Variants in IL1RAPL1 observed in about 807,000 individuals in gnomAD.
IL1RAPL1 encodes interleukin-1 receptor accessory protein-like 1.
In IL1RAPL1, 3 loss-of-function variants were observed where a neutral mutation model predicts 48.4. The ratio of observed to expected loss-of-function variants is 0.06; its 90% CI spans 0.03 to 0.16. The LOEUF is 0.16. Ranked by LOEUF, IL1RAPL1 falls within the 10% of genes least tolerant of loss-of-function variation. The pLI is 1.00. For synonymous variants in IL1RAPL1, 185 were observed against 187.7 expected (o/e 0.99, Z 0.12); for missense variants, 349 against 530.6 (o/e 0.66, Z 3.36).
chrX:28,712,208 C>T (rs1489431554), intron 1 of IL1RAPL1, among the ~76,000 whole-genome samples: 1 of 111,074 alleles, frequency 9.0e-6, no homozygotes, highest in Non-Finnish European at 1.9e-5. Context: ...CTTATACTTA[C>T]CTAGGCTTTT....
chrX:29,824,977 A>AG (rs949201519), intron 6 of IL1RAPL1, among the ~76,000 whole-genome samples: 26 of 109,662 alleles, frequency 2.4e-4, no homozygotes, highest in African/African-American at 8.7e-4. Context: ...AAACACTTGT[A>AG]GGGGAAAAAA....
chrX:29,736,965 G>T (rs2147133218), intron 6 of IL1RAPL1, among the ~76,000 whole-genome samples: 1 of 111,584 alleles, frequency 9.0e-6, no homozygotes, highest in East Asian at 2.8e-4. Context: ...TGAAGCAAAA[G>T]GAAGAAACAG....
intron 5 of IL1RAPL1, among the ~76,000 whole-genome samples, chrX:29,469,441 G>A (rs1174260913): frequency 1.8e-5 from 2 of 111,474 alleles, no homozygotes; most frequent in East Asian, 2.8e-4. Context: ...AATACATTTT[G>A]TACAATATTT....
chrX:28,731,574 A>G (rs1935755604), intron 1 of IL1RAPL1, among the ~76,000 whole-genome samples: 1 of 112,022 alleles, frequency 8.9e-6, no homozygotes, highest in Non-Finnish European at 1.9e-5. Flanking sequence ...GGCAAAAGCT[A>G]AATTATGGCA....
rs760459991 is a variant in IL1RAPL1 at position 28,935,045 on chromosome X, A to G, written c.82+145620A>G. Among the ~76,000 whole-genome samples, 10 of 111,916 alleles carry G rather than the reference A, an allele frequency of 8.9e-5. No individual in the cohort carries two copies. In the South Asian group the frequency reaches 3.3e-3, roughly 37 times the overall value. On this transcript the variant is annotated intron_variant, in intron 2 of 10. Coordinates refer to ENST00000378993, the MANE Select transcript of IL1RAPL1 (RefSeq NM_014271.4). Reference sequence around the variant, plus strand: ...CTTGTTGTTATCTGTCTTTTTTATTATAGCCATAACTGTTTTCAGCAGTTC... The same window carrying G: ...CTTGTTGTTATCTGTCTTTTTTATTGTAGCCATAACTGTTTTCAGCAGTTC...
At chrX:29,695,933 G>A (rs1926901358) in intron 6 of IL1RAPL1, among the ~76,000 whole-genome samples, 1 of 111,566 alleles carries the variant, frequency 9.0e-6, no homozygotes, top group Non-Finnish European at 1.9e-5. Flanking sequence ...CTTCAGAATA[G>A]ATGGCAATGT....
intron 1 of IL1RAPL1, among the ~76,000 whole-genome samples, chrX:28,785,418 C>T (rs1026651970): frequency 3.6e-5 from 4 of 112,162 alleles, no homozygotes; most frequent in African/African-American, 1.3e-4. Flanking sequence ...GAGCCACCAA[C>T]GCTGGCCCAG....
chrX:29,269,101 C>G (rs1171200373), intron 2 of IL1RAPL1, among the ~76,000 whole-genome samples: 1 of 112,119 alleles, frequency 8.9e-6, no homozygotes, highest in Non-Finnish European at 1.9e-5. Flanking sequence ...ATTAACCATA[C>G]AAAAACATAC....
chrX:29,631,088 G>A (rs1289090189), intron 5 of IL1RAPL1, among the ~76,000 whole-genome samples: 1 of 112,054 alleles, frequency 8.9e-6, no homozygotes, highest in African/African-American at 3.2e-5. Flanking sequence ...GTAAATGGAA[G>A]CATTAGATTG....
intron 2 of IL1RAPL1, among the ~76,000 whole-genome samples, chrX:28,904,870 C>T (rs1217219887): frequency 8.9e-6 from 1 of 111,791 alleles, no homozygotes; most frequent in Non-Finnish European, 1.9e-5. Flanking sequence ...TGTATGTATA[C>T]ATTGAAATAA....
rs1921210006 is a variant in IL1RAPL1 at position 29,535,751 on chromosome X, G to C, written c.704-132679G>C. Among the ~76,000 whole-genome samples the C allele has an allele frequency of 7.2e-5, 8 of 111,855 alleles. No individual in the cohort carries two copies. The Admixed American group carries it at 7.6e-4, about 11-fold the overall frequency. The stretch of plus-strand genomic sequence containing the variant: ...GAAGAAAATGAGTGATAGTATCAAG[G>C]TAAAAACAAGAACAGTAGAAAATTA... On this transcript the variant is annotated intron_variant, in intron 5 of 10. Transcript: ENST00000378993.
At chrX:29,595,557 T>C (rs1923518239) in intron 5 of IL1RAPL1, among the ~76,000 whole-genome samples, 1 of 111,967 alleles carries the variant, frequency 8.9e-6, no homozygotes, top group Non-Finnish European at 1.9e-5. Context: ...GTTGTCTGTT[T>C]GTGTCCTTAG....
Position 28,687,448 on chromosome X carries a change from CA to C in IL1RAPL1, c.-25+99407del, listed in dbSNP as rs1935123386. Reference sequence around the variant, plus strand: ...GAACAACGTGAATTTTAGCATGGACCAAAAAATTAACGCTTTATTTTACCAG... The same window carrying C: ...GAACAACGTGAATTTTAGCATGGACCAAAAATTAACGCTTTATTTTACCAG... On this transcript the variant is annotated intron_variant, in intron 1 of 10. Transcript: ENST00000378993. 3.6e-5 allele frequency among the ~76,000 whole-genome samples: 4 copies of C among 111,437 alleles called. No individual in the cohort carries two copies. In the South Asian group the frequency reaches 1.5e-3, roughly 41 times the overall value.
At chrX:29,508,963 G>A (rs923300177) in intron 5 of IL1RAPL1, among the ~76,000 whole-genome samples, 1 of 111,817 alleles carries the variant, frequency 8.9e-6, no homozygotes, top group African/African-American at 3.3e-5. Flanking sequence ...TTTTTGTTCT[G>A]TTACAATAAC....
At chrX:29,127,953 G>T (rs1928933132) in intron 2 of IL1RAPL1, among the ~76,000 whole-genome samples, 1 of 94,519 alleles carries the variant, frequency 1.1e-5, no homozygotes, top group South Asian at 5.0e-4. Context: ...GACAGAGTGA[G>T]ACTCGATCTA....
intron 6 of IL1RAPL1, among the ~76,000 whole-genome samples, chrX:29,915,135 A>G (rs1932787882): frequency 8.9e-6 from 1 of 112,176 alleles, no homozygotes; most frequent in Non-Finnish European, 1.9e-5. Context: ...CTCTACTAAA[A>G]ACACAAAAAT....
chrX:29,364,429 G>C (rs1933418146), intron 3 of IL1RAPL1, among the ~76,000 whole-genome samples: 1 of 109,243 alleles, frequency 9.2e-6, no homozygotes, highest in Non-Finnish European at 1.9e-5. Flanking sequence ...CAGGCATGGT[G>C]GTGGGCACCT....
chrX:28,917,813 T>C (rs1419187673), intron 2 of IL1RAPL1, among the ~76,000 whole-genome samples: 2 of 112,594 alleles, frequency 1.8e-5, no homozygotes, highest in Non-Finnish European at 3.8e-5. Context: ...TACAGTTCTG[T>C]GGCATTAGGT....
chrX:29,112,177 C>T (rs778932672), intron 2 of IL1RAPL1, among the ~76,000 whole-genome samples: 2 of 110,998 alleles, frequency 1.8e-5, no homozygotes, highest in South Asian at 7.5e-4. Flanking sequence ...CCGCCTGCCT[C>T]GGCCTCCCAA....
Sources: gnomAD v4.1 joint callset for allele counts (sites outside exome capture counted in the v4.1 genomes callset) on GRCh38, gnomAD v4.1.1 for gene constraint, MANE v1.5 for transcripts, NCBI Gene and HGNC (gene_info 2026-07-23, HGNC 2026-07-21) for gene names.